The following GAB3 variants were observed in gnomAD, a reference collection of about 807,000 sequenced individuals.
GAB3 encodes the protein GRB2 associated binding protein 3, also known as GRB2-associated-binding protein 3.
Under a neutral mutation model 40.4 loss-of-function variants are expected in GAB3, and 12 were observed. The observed-to-expected ratio is 0.30, with a 90% CI of 0.19 to 0.48. The LOEUF (loss-of-function observed/expected upper bound fraction) is 0.48, where lower values mean the gene tolerates loss of function less well. Ranked by LOEUF, GAB3 falls within the 20% of genes least tolerant of loss-of-function variation. The pLI is 0.99. For missense variants in GAB3, 381 were observed against 461.9 expected (o/e 0.82, Z 1.61); for synonymous variants, 154 against 176.7 (o/e 0.87, Z 1.02).
At chrX:154,710,182 A>T (rs113047496) in intron 4 of GAB3, among the ~76,000 whole-genome samples, 11 of 112,790 alleles carry the variant, frequency 9.8e-5, no homozygotes, top group African/African-American at 3.5e-4. Flanking sequence ...AATAAGACCT[A>T]CAGAAATGGA....
chrX:154,749,463 C>G (rs1301873030), intron 1 of GAB3, among the ~76,000 whole-genome samples: 3 of 112,463 alleles, frequency 2.7e-5, no homozygotes, highest in Non-Finnish European at 5.6e-5. Flanking sequence ...CTCACCTGCT[C>G]ATGCAGGTGA....
At chrX:154,737,608 C>T (rs782298993) in intron 1 of GAB3, among the ~76,000 whole-genome samples, 31 of 112,208 alleles carry the variant, frequency 2.8e-4, no homozygotes, top group African/African-American at 9.1e-4. Flanking sequence ...CCAGCCTGAA[C>T]GTACCAGTCT....
chrX:154,722,786 G>A (rs1419277350), intron 1 of GAB3, among the ~76,000 whole-genome samples: 1 of 112,236 alleles, frequency 8.9e-6, no homozygotes, highest in Non-Finnish European at 1.9e-5. Context: ...GGTTATGATC[G>A]AGAAGGACAC....
intron 1 of GAB3, among the ~76,000 whole-genome samples, chrX:154,727,468 G>A (rs1318965016): frequency 2.7e-5 from 3 of 112,958 alleles, no homozygotes; most frequent in African/African-American, 9.7e-5. Flanking sequence ...GACTTTGTCT[G>A]TCTTGATCAC....
intron 1 of GAB3, among the ~76,000 whole-genome samples, chrX:154,730,690 T>A (rs1198504249): frequency 8.9e-6 from 1 of 112,165 alleles, no homozygotes; most frequent in Non-Finnish European, 1.9e-5. Context: ...CTCCACCTTC[T>A]ACTTCCTTGC....
At chrX:154,680,477 C>T (rs1557246598) in intron 8 of GAB3, among the ~76,000 whole-genome samples, 1 of 112,466 alleles carries the variant, frequency 8.9e-6, no homozygotes, top group African/African-American at 3.2e-5. Context: ...ACCATGGGAA[C>T]AGTTTGCCAA....
chrX:154,697,618 C>G (rs1360785325), intron 6 of GAB3, among the ~76,000 whole-genome samples: 1 of 111,924 alleles, frequency 8.9e-6, no homozygotes, highest in Non-Finnish European at 1.9e-5. Flanking sequence ...AGGTCCTAGT[C>G]TTCCCCACCT....
intron 4 of GAB3, among the ~76,000 whole-genome samples, chrX:154,709,945 G>A (rs1186310284): frequency 1.8e-5 from 2 of 111,730 alleles, no homozygotes; most frequent in African/African-American, 3.3e-5. Flanking sequence ...GGGAATGCAG[G>A]TAAATGAGAA....
At chrX:154,745,709 A>C (rs2071515445) in intron 1 of GAB3, among the ~76,000 whole-genome samples, 1 of 111,861 alleles carries the variant, frequency 8.9e-6, no homozygotes, top group African/African-American at 3.3e-5. Context: ...CACTAACGAC[A>C]CTCATTCAAG....
At chrX:154,730,160 T>C (rs2071271527) in intron 1 of GAB3, among the ~76,000 whole-genome samples, 2 of 112,509 alleles carry the variant, frequency 1.8e-5, no homozygotes, top group African/African-American at 6.5e-5. Flanking sequence ...AAGTTGGATA[T>C]TTCTGTCCCT....
At chrX:154,684,556 T>C in intron 8 of GAB3, among the ~76,000 whole-genome samples, 1 of 112,091 alleles carries the variant, frequency 8.9e-6, no homozygotes, top group Non-Finnish European at 1.9e-5. Context: ...ATATTACTTA[T>C]TTGTATTCAT....
intron 4 of GAB3, among the ~76,000 whole-genome samples, chrX:154,711,534 T>C (rs2070945330): frequency 8.9e-6 from 1 of 111,733 alleles, no homozygotes; most frequent in African/African-American, 3.3e-5. Flanking sequence ...AATTGCAAGA[T>C]AACCTCGTGA....
At chrX:154,735,379 T>A (rs1286942032) in intron 1 of GAB3, among the ~76,000 whole-genome samples, 1 of 111,839 alleles carries the variant, frequency 8.9e-6, no homozygotes, top group African/African-American at 3.3e-5. Context: ...CGGAGTGAAA[T>A]GAAAAGTCTA....
chrX:154,688,285 G>GTT (rs1423743011), intron 8 of GAB3, among the ~76,000 whole-genome samples: 22 of 100,143 alleles, frequency 2.2e-4, no homozygotes, highest in Admixed American at 1.7e-3. Flanking sequence ...TTTTGTTTTT[G>GTT]TTTTTTTTTT....
chrX:154,711,771 G>T (rs1404810258), intron 4 of GAB3, among the ~76,000 whole-genome samples: 1 of 112,151 alleles, frequency 8.9e-6, no homozygotes, highest in Non-Finnish European at 1.9e-5. Context: ...ATCAACTTTT[G>T]TACCAAGTGG....
chrX:154,720,626 C>CAAAAAAA (rs782047643), intron 1 of GAB3, among the ~76,000 whole-genome samples: 5 of 30,773 alleles, frequency 1.6e-4, no homozygotes, highest in Admixed American at 8.6e-4. Flanking sequence ...GACTCCGTCT[C>CAAAAAAA]AAAAAAAAAA....
intron 2 of GAB3, among the ~76,000 whole-genome samples, chrX:154,715,221 G>T (rs190901767): frequency 1.8e-5 from 2 of 111,818 alleles, no homozygotes; most frequent in South Asian, 3.7e-4. Flanking sequence ...GGATTTAGGG[G>T]CAAAGTTTTG....
intron 4 of GAB3, among the ~76,000 whole-genome samples, chrX:154,710,528 G>A (rs1299558985): frequency 1.8e-5 from 2 of 111,805 alleles, no homozygotes; most frequent in Admixed American, 9.4e-5. Context: ...CAGAGGGGGC[G>A]CTGGAGAGCC....
chrX:154,715,601 CTCTT>C (rs1301060410), intron 2 of GAB3, among the ~76,000 whole-genome samples: 2 of 111,846 alleles, frequency 1.8e-5, no homozygotes, highest in Admixed American at 9.4e-5. Flanking sequence ...GCCAAGTTCT[CTCTT>C]TCTACCATTT....
Sources: gnomAD v4.1 joint callset for allele counts (sites outside exome capture counted in the v4.1 genomes callset) on GRCh38, gnomAD v4.1.1 for gene constraint, MANE v1.5 for transcripts, NCBI Gene and HGNC (gene_info 2026-07-23, HGNC 2026-07-21) for gene names.